The following DYNC2H1 variants were observed in gnomAD, a reference collection of about 807,000 sequenced individuals.
DYNC2H1 encodes cytoplasmic dynein 2 heavy chain 1.
DYNC2H1 carries 410 observed loss-of-function variants against 570.0 expected under a neutral mutation model. The ratio of observed to expected loss-of-function variants is 0.72; its 90% confidence interval spans 0.66 to 0.78. The LOEUF is 0.78. Among genes scored for constraint, DYNC2H1 ranks in the 30% least tolerant of loss-of-function variants. DYNC2H1 has a pLI of 0.00. For synonymous variants in DYNC2H1, 1,688 were observed against 1,677.6 expected (o/e 1.01, Z -0.15); for missense variants, 4,865 against 5,046.4 (o/e 0.96, Z 1.09).
chr11:103,177,752 T>C lies in DYNC2H1; in HGVS notation c.6071T>C (p.Met2024Thr), dbSNP rs765845482. 2 of 1,613,434 alleles carry C rather than the reference T, an allele frequency of 1.2e-6. No individual in the cohort carries two copies. Among genetic ancestry groups the C allele is most frequent in the South Asian group, 1.1e-5 (1 of 90,970 alleles). Residue 2024 changes from methionine to threonine, a missense_variant, in exon 38 of 89, where the codon ATG (methionine) becomes ACG (threonine). Met to Thr is a moderately conservative substitution (Grantham distance 81, BLOSUM62 -1). This residue lies in a region of DYNC2H1 where 231 missense variants were observed against 310.3 expected (regional missense o/e 0.74). Coordinates refer to ENST00000375735, the MANE Select transcript of DYNC2H1 (RefSeq NM_001377.3). This position sits in a 1 kb window ranked among gnomAD's most constrained non-coding sequence, Gnocchi z 4.4. ...PRYQLLGHIDMDTREWSDGVL... is the reference protein window; with the variant it reads ...PRYQLLGHIDTDTREWSDGVL... ...TATCAATTATTAGGCCATATTGACA[T>C]GGACACAAGAGAATGGTCTGATGGT...
Position 103,311,941 on chromosome 11 carries a change from A to G in DYNC2H1, c.11557A>G (p.Ser3853Gly), listed in dbSNP as rs778936556. 7.4e-6 allele frequency: 12 copies of G among 1,613,724 alleles called. No homozygotes were observed. The East Asian group carries it at 2.7e-4, about 36-fold the overall frequency. Residue 3853 changes from serine to glycine, a missense_variant, in exon 79 of 89, where the codon AGC becomes GGC. Transcript: ENST00000375735. ...TYESWTPEQI[S>G]KKDNTHRAHA... ...TGAGTCTTGGACTCCTGAGCAAATT[A>G]GCAAAAAAGATAATACACATCGAGC...
chr11:103,317,801 T>C (rs1937943571), intron 80 of DYNC2H1, among the ~76,000 whole-genome samples: 1 of 152,170 alleles, frequency 6.6e-6, no homozygotes, highest in Non-Finnish European at 1.5e-5. Flanking sequence ...TACTGCTGAA[T>C]CTGAAGTAAT....
rs368215885 is a variant in DYNC2H1 at position 103,400,550 on chromosome 11, A to C, written c.12366+678A>C. ...TTATATCTATTTGATAGAAACAAAA[A>C]TATGGGATGTTCTGCACAGATTTAT... On this transcript the variant is annotated intron_variant, in intron 84 of 88. Transcript: ENST00000375735. 1.0e-3 allele frequency among the ~76,000 whole-genome samples: 152 copies of C among 152,340 alleles called. 2 individuals carry two copies. In the South Asian group the frequency reaches 0.018, roughly 18 times the overall value.
At chr11:103,375,584 C>A (rs1277527421) in intron 83 of DYNC2H1, among the ~76,000 whole-genome samples, 1 of 152,230 alleles carries the variant, frequency 6.6e-6, no homozygotes, top group Admixed American at 6.5e-5. Context: ...ATCAGCATGG[C>A]TTAGATTTGA....
intron 83 of DYNC2H1, among the ~76,000 whole-genome samples, chr11:103,377,421 T>C (rs974916695): frequency 1.3e-5 from 2 of 152,092 alleles, no homozygotes; most frequent in Non-Finnish European, 2.9e-5. Flanking sequence ...TTGTATTTTT[T>C]AGTTTATTTT....
At position 103,225,386 on chromosome 11, in the gene DYNC2H1, T is replaced by C. The variant is rs534603857; in HGVS notation, c.9353+2300T>C. Among the ~76,000 whole-genome samples the C allele has an allele frequency of 4.6e-5, 7 of 152,296 alleles. No individual in the cohort carries two copies. The South Asian group carries it at 1.2e-3, about 27-fold the overall frequency. On this transcript the variant is annotated intron_variant, in intron 59 of 88. Coordinates refer to ENST00000375735, the MANE Select transcript of DYNC2H1 (RefSeq NM_001377.3). ...CTTCTAGAATGGTTATGGTTTCAGG[T>C]CTTAGATTTAAGTCTATGATCCATC...
intron 85 of DYNC2H1, among the ~76,000 whole-genome samples, chr11:103,440,178 A>T (rs573979580): frequency 6.6e-6 from 1 of 152,280 alleles, no homozygotes; most frequent in East Asian, 1.9e-4. Context: ...GCCAGGATAT[A>T]GAGAGAGATC....
At chr11:103,419,556 G>C (rs536139570) in intron 84 of DYNC2H1, among the ~76,000 whole-genome samples, 168 of 151,462 alleles carry the variant, frequency 1.1e-3, no homozygotes, top group African/African-American at 3.9e-3. Context: ...TGGAAGGGTG[G>C]CCTGACTGGT....
intron 22 of DYNC2H1, among the ~76,000 whole-genome samples, chr11:103,154,076 C>T (rs958306499): frequency 2.9e-4 from 44 of 151,926 alleles, no homozygotes; most frequent in African/African-American, 1.0e-3. Flanking sequence ...GCCCTTTCAA[C>T]TGAGAAGAGT....
At chr11:103,362,062 T>C (rs1468845279) in intron 83 of DYNC2H1, among the ~76,000 whole-genome samples, 1 of 152,096 alleles carries the variant, frequency 6.6e-6, no homozygotes, top group Non-Finnish European at 1.5e-5. Flanking sequence ...AATTCTTTTT[T>C]AAAATGTGCT....
chr11:103,338,707 G>A (rs568279603), intron 82 of DYNC2H1, among the ~76,000 whole-genome samples: 1 of 152,236 alleles, frequency 6.6e-6, no homozygotes, highest in African/African-American at 2.4e-5. Context: ...AAAGTTGTCT[G>A]ATAGAATTCC....
intron 11 of DYNC2H1, among the ~76,000 whole-genome samples, chr11:103,123,579 C>T (rs1009181093): frequency 2.0e-5 from 3 of 152,104 alleles, no homozygotes; most frequent in Admixed American, 6.5e-5. Flanking sequence ...CCATTTAGCT[C>T]TTTTTCCTTC....
At chr11:103,224,141 A>G (rs1863707456) in intron 59 of DYNC2H1, among the ~76,000 whole-genome samples, 1 of 152,176 alleles carries the variant, frequency 6.6e-6, no homozygotes, top group Admixed American at 6.6e-5. Flanking sequence ...GGTAGGAGGA[A>G]GATTTAACCA....
At position 103,189,652 on chromosome 11, in the gene DYNC2H1, TTA is replaced by T; in HGVS notation, c.7293-16_7293-15del. ...ATACTGATTTATTTCAGCTTTCTTC[TTA>T]TATGCCATTTTTTTTAGTTACCCAG... On this transcript the variant is annotated intron_variant, in intron 44 of 88. Transcript: ENST00000375735. This position sits in a 1 kb window ranked among gnomAD's most constrained non-coding sequence, Gnocchi z 4.3. 1 of 1,608,716 alleles carries T rather than the reference TTA, an allele frequency of 6.2e-7. No homozygotes were observed.
intron 83 of DYNC2H1, among the ~76,000 whole-genome samples, chr11:103,364,618 C>T (rs1490884353): frequency 6.8e-6 from 1 of 146,888 alleles, no homozygotes; most frequent in Non-Finnish European, 1.5e-5. Flanking sequence ...TTTTTTTAAG[C>T]AGGTAGTCAA....
At chr11:103,119,383 A>G (rs1212020982) in intron 6 of DYNC2H1, among the ~76,000 whole-genome samples, 1 of 151,868 alleles carries the variant, frequency 6.6e-6, no homozygotes, top group Non-Finnish European at 1.5e-5. Flanking sequence ...TATGTTGCCC[A>G]GGTTAGAGTA....
intron 83 of DYNC2H1, among the ~76,000 whole-genome samples, chr11:103,378,548 G>T (rs1268474947): frequency 1.3e-5 from 2 of 152,124 alleles, no homozygotes; most frequent in African/African-American, 2.4e-5. Context: ...ATTTCAGGAG[G>T]TTAAAATCAA....
At chr11:103,118,441 C>T (rs1306571918) in intron 6 of DYNC2H1, among the ~76,000 whole-genome samples, 2 of 151,634 alleles carry the variant, frequency 1.3e-5, no homozygotes, top group Non-Finnish European at 2.9e-5. Context: ...GTCCACGTAT[C>T]CACCATTCAA....
intron 87 of DYNC2H1, among the ~76,000 whole-genome samples, chr11:103,463,823 A>G (rs1945100480): frequency 6.6e-6 from 1 of 152,184 alleles, no homozygotes; most frequent in African/African-American, 2.4e-5. Context: ...AGAAATCTGT[A>G]GGCTTAAGAA....
Sources: allele counts gnomAD v4.1 joint callset (sites outside exome capture counted in the v4.1 genomes callset), GRCh38; gene constraint gnomAD v4.1.1; regional missense constraint gnomAD v4.1.1; non-coding constraint Gnocchi (gnomAD v3.1); transcripts MANE v1.5; gene names NCBI Gene and HGNC (gene_info 2026-07-23, HGNC 2026-07-21).